Variants in EMB observed in about 807,000 individuals in gnomAD.
The protein encoded by EMB is embigin.
EMB carries 31 observed loss-of-function variants against 41.4 expected under a neutral mutation model. That is an observed-to-expected ratio of 0.75 (90% CI 0.56 to 1.01). EMB has a LOEUF of 1.01. Ranked by LOEUF, EMB falls within the 50% of genes least tolerant of loss-of-function variation. The probability of loss-of-function intolerance (pLI) is 0.00; values close to 1 mark genes in which losing one functional copy is unlikely to be tolerated. For synonymous variants in EMB, 137 were observed against 140.4 expected (o/e 0.98, Z 0.17); for missense variants, 379 against 388.3 (o/e 0.98, Z 0.20).
intron 1 of EMB, among the ~76,000 whole-genome samples, chr5:50,437,040 G>A (rs976419668): frequency 2.0e-5 from 3 of 152,198 alleles, no homozygotes; most frequent in Non-Finnish European, 2.9e-5. Flanking sequence ...GGAGGCTGAG[G>A]CAGGAAGATC....
intron 2 of EMB, among the ~76,000 whole-genome samples, chr5:50,419,830 G>A (rs1225819772): frequency 1.3e-5 from 2 of 152,106 alleles, no homozygotes; most frequent in African/African-American, 4.8e-5. Context: ...GCATATACAC[G>A]ATGGAATACT....
intron 2 of EMB, among the ~76,000 whole-genome samples, chr5:50,420,743 T>C (rs1378832042): frequency 2.6e-5 from 4 of 152,338 alleles, no homozygotes; most frequent in Admixed American, 2.0e-4. Flanking sequence ...TTTGTTGAAG[T>C]GGTTGTAGCT....
At chr5:50,418,366 T>C (rs1361457356) in intron 2 of EMB, among the ~76,000 whole-genome samples, 2 of 152,238 alleles carry the variant, frequency 1.3e-5, no homozygotes, top group Non-Finnish European at 2.9e-5. Flanking sequence ...GGTTTGGTGA[T>C]AGGCAAAGTA....
At chr5:50,432,029 C>T (rs1745728431) in intron 1 of EMB, among the ~76,000 whole-genome samples, 1 of 152,216 alleles carries the variant, frequency 6.6e-6, no homozygotes, top group East Asian at 1.9e-4. Flanking sequence ...TGCTATAATT[C>T]TACTTAAAGG....
chr5:50,440,608 T>G (rs186648340), intron 1 of EMB, among the ~76,000 whole-genome samples: 186 of 145,988 alleles, frequency 1.3e-3, no homozygotes, highest in African/African-American at 4.6e-3. Context: ...GAGGTGATAC[T>G]CGAGCCTTAC....
intron 2 of EMB, among the ~76,000 whole-genome samples, chr5:50,414,528 CAAAAAAAAAAAAAA>C (rs34645448): frequency 3.4e-4 from 16 of 46,694 alleles, no homozygotes; most frequent in Non-Finnish European, 5.4e-4. Context: ...CTGTCTCAGG[CAAAAAAAAAAAAAA>C]AAAAAAAAAA....
At chr5:50,401,607 T>C (rs186914968) in intron 7 of EMB, among the ~76,000 whole-genome samples, 2 of 152,144 alleles carry the variant, frequency 1.3e-5, no homozygotes, top group Admixed American at 1.3e-4. Context: ...ACTCCCATCT[T>C]TGCCAAACTA....
chr5:50,397,488 G>A lies in EMB; in HGVS notation c.*1785C>T, dbSNP rs1745088843. 1.3e-5 allele frequency: 2 copies of A among 152,058 alleles called. No homozygotes were observed. Among genetic ancestry groups the A allele is most frequent in the Non-Finnish European group, 2.9e-5 (2 of 67,998 alleles). 9.4% of individuals were successfully genotyped at this position (152,058 alleles called of 1,614,324 possible). A position where few individuals can be genotyped will look rare whatever the true frequency, so the allele number is the denominator to read the frequency against. On this transcript the variant is annotated 3_prime_UTR_variant, in exon 9 of 9. Coordinates refer to ENST00000303221, the MANE Select transcript of EMB (RefSeq NM_198449.3). ...TGTATGAGCCTCAATGGTTAGTGGT[G>A]GTAAAATGGAAGAATGCATACTGCA...
intron 2 of EMB, 52 bp downstream of exon 2, chr5:50,428,092 T>G: frequency 7.5e-7 from 1 of 1,337,754 alleles, no homozygotes; most frequent in Non-Finnish European, 1.1e-6. Flanking sequence ...TTAAGAAAAA[T>G]TGCTTAAACC....
chr5:50,426,608 A>T (rs1001353663), intron 2 of EMB, among the ~76,000 whole-genome samples: 8 of 152,180 alleles, frequency 5.3e-5, no homozygotes, highest in African/African-American at 1.9e-4. Flanking sequence ...ATTTTATCCT[A>T]ACAGAGAGAT....
Position 50,403,225 on chromosome 5 carries a change from G to A in EMB, c.830C>T (p.Thr277Ile). ...TGTGTACTTTTCACAAAGCAGAATG[G>A]TGGCCACTAAAAGAATCACCTCAGC... Reference protein sequence around the residue: ...IVAEVILLVATILLCEKYTQK... With the variant: ...IVAEVILLVAIILLCEKYTQK... The change falls in exon 6 of 9, where the codon ACC (threonine) becomes ATC (isoleucine). Residue 277 changes from threonine to isoleucine, a missense_variant. Coordinates refer to ENST00000303221, the MANE Select transcript of EMB (RefSeq NM_198449.3). 1 of 1,612,080 alleles carries A rather than the reference G, an allele frequency of 6.2e-7. No individual in the cohort carries two copies. The highest frequency in any genetic ancestry group is 8.5e-7 in the Non-Finnish European group (1 of 1,178,944).
Position 50,397,836 on chromosome 5 carries a change from A to C in EMB, c.*1437T>G, listed in dbSNP as rs1224392531. The C allele has an allele frequency of 2.0e-5, 3 of 152,064 alleles. No homozygotes were observed. Among genetic ancestry groups the C allele is most frequent in the Middle Eastern group, 3.2e-3 (1 of 316 alleles). The allele number at this position is 152,064 out of a possible 1,614,324, so 9.4% of individuals were successfully genotyped here. Reference sequence around the variant, plus strand: ...GTGTAGTTAAGATGCTTTACAACAAAATATTGCATTTTGTTATAGCAACAA... The same window carrying C: ...GTGTAGTTAAGATGCTTTACAACAACATATTGCATTTTGTTATAGCAACAA... On this transcript the variant is annotated 3_prime_UTR_variant, in exon 9 of 9. Coordinates refer to ENST00000303221, the MANE Select transcript of EMB (RefSeq NM_198449.3).
At chr5:50,423,247 C>T (rs1226349260) in intron 2 of EMB, among the ~76,000 whole-genome samples, 1 of 152,034 alleles carries the variant, frequency 6.6e-6, no homozygotes, top group Non-Finnish European at 1.5e-5. Context: ...TATGGATGCA[C>T]ACATGCACAC....
At position 50,411,163 on chromosome 5, in the gene EMB, G is replaced by C. The variant is rs368848651; in HGVS notation, c.383+34C>G. On this transcript the variant is annotated intron_variant, in intron 3 of 8. Coordinates refer to ENST00000303221, the MANE Select transcript of EMB (RefSeq NM_198449.3). ...AAATATTTAGAATTAAGCTACTTTT[G>C]GTGAGCAAGGTAGGTTAAAATTTGT... 3.0e-4 allele frequency: 462 copies of C among 1,533,948 alleles called. 8 individuals carry two copies. The Admixed American group carries it at 8.1e-3, about 27-fold the overall frequency.
upstream of EMB, among the ~76,000 whole-genome samples, chr5:50,442,595 G>C (rs967567055): frequency 6.6e-6 from 1 of 152,070 alleles, no homozygotes; most frequent in Non-Finnish European, 1.5e-5. Flanking sequence ...GAAAATTATG[G>C]TCAAAATTAT....
chr5:50,397,748 A>G lies in EMB; in HGVS notation c.*1525T>C, dbSNP rs1010441245. The G allele has an allele frequency of 1.3e-5, 2 of 152,088 alleles. No homozygotes were observed. Among genetic ancestry groups the G allele is most frequent in the African/African-American group, 4.8e-5 (2 of 41,440 alleles). The allele number at this position is 152,088 out of a possible 1,614,324, so 9.4% of individuals were successfully genotyped here. On this transcript the variant is annotated 3_prime_UTR_variant, in exon 9 of 9. Coordinates refer to ENST00000303221, the MANE Select transcript of EMB (RefSeq NM_198449.3). ...ATGGCCCTGAGACCAGAATAAAATG[A>G]AAACCAAGAATAAAATGAAGTTTGC... is the stretch of plus-strand genomic sequence containing the variant.
chr5:50,403,073 C>T, intron 6 of EMB, 105 bp downstream of exon 6: 5 of 1,084,276 alleles, frequency 4.6e-6, no homozygotes, highest in Non-Finnish European at 6.4e-6. Context: ...ATCCTAAAGT[C>T]ATTGCAATGT....
chr5:50,441,418 T>G, upstream of EMB: 2 of 284,760 alleles, frequency 7.0e-6, no homozygotes, highest in East Asian at 5.7e-5. Flanking sequence ...CGGTGCTACT[T>G]CCCGGCTGCA....
rs553370288 is a variant in EMB, at chr5:50,422,209, C to A, written c.196+5935G>T. 1.4e-4 allele frequency among the ~76,000 whole-genome samples: 21 copies of A among 152,140 alleles called. No individual in the cohort carries two copies. In the South Asian group the frequency reaches 3.3e-3, roughly 24 times the overall value. On this transcript the variant is annotated intron_variant, in intron 2 of 8. Transcript: ENST00000303221. ...AAAATAGGCAAAACTTTTTAGACTG[C>A]AAGCAAAAATCTATTAGTGAATCAG...
Sources: gnomAD v4.1 joint callset for allele counts (sites outside exome capture counted in the v4.1 genomes callset) on GRCh38, gnomAD v4.1.1 for gene constraint, MANE v1.5 for transcripts, NCBI Gene and HGNC (gene_info 2026-07-23, HGNC 2026-07-21) for gene names.